Variants in CREB5 observed in about 807,000 individuals in gnomAD.
CREB5 encodes cyclic AMP-responsive element-binding protein 5.
A neutral mutation model predicts 57.1 loss-of-function variants in CREB5; 19 were observed. That is an observed-to-expected ratio of 0.33 (90% CI 0.23 to 0.49). The LOEUF (loss-of-function observed/expected upper bound fraction) is 0.49, where lower values mean the gene tolerates loss of function less well. Ranked by LOEUF, CREB5 falls within the 20% of genes least tolerant of loss-of-function variation. The pLI, the probability that CREB5 is intolerant of heterozygous loss-of-function variation, is 0.99. For missense variants in CREB5, 579 were observed against 671.6 expected (o/e 0.86, Z 1.52); for synonymous variants, 238 against 238.3 (o/e 1.00, Z 0.01).
chr7:28,768,574 C>G (rs569466509), intron 7 of CREB5, among the ~76,000 whole-genome samples: 2 of 152,236 alleles, frequency 1.3e-5, no homozygotes, highest in South Asian at 4.1e-4. Context: ...GGGAACTTTT[C>G]CTGTCTGAAT....
intron 1 of CREB5, among the ~76,000 whole-genome samples, chr7:28,407,096 T>A (rs371393779): frequency 2.2e-4 from 34 of 152,160 alleles, no homozygotes; most frequent in African/African-American, 8.2e-4. Context: ...GTCACCCAGG[T>A]TGGAGTGCAA....
chr7:28,442,495 T>G (rs1338328570), intron 1 of CREB5, among the ~76,000 whole-genome samples: 1 of 127,114 alleles, frequency 7.9e-6, no homozygotes, highest in Non-Finnish European at 1.8e-5. Flanking sequence ...GATTATATGG[T>G]AGTTTTTTTT....
At chr7:28,353,122 C>T (rs1786267507) in intron 1 of CREB5, among the ~76,000 whole-genome samples, 1 of 151,818 alleles carries the variant, frequency 6.6e-6, no homozygotes, top group South Asian at 2.1e-4. Context: ...GAGAGTCTTG[C>T]TCTGTTGCCA....
At chr7:28,651,478 A>T (rs1370907764) in intron 5 of CREB5, among the ~76,000 whole-genome samples, 1 of 152,192 alleles carries the variant, frequency 6.6e-6, no homozygotes, top group Non-Finnish European at 1.5e-5. Flanking sequence ...GTGGTGGCTC[A>T]TGCCTGTAAT....
intron 5 of CREB5, among the ~76,000 whole-genome samples, chr7:28,608,151 ACACACT>A (rs1797234942): frequency 6.7e-6 from 1 of 148,336 alleles, no homozygotes; most frequent in African/African-American, 2.5e-5. Context: ...ACACACACAC[ACACACT>A]CTCAAACTTT....
intron 7 of CREB5, among the ~76,000 whole-genome samples, chr7:28,777,536 G>T (rs762216161): frequency 3.3e-5 from 5 of 152,048 alleles, no homozygotes; most frequent in Non-Finnish European, 7.4e-5. Context: ...CATCAACAAG[G>T]TAGCCTGTTC....
At chr7:28,381,500 T>G (rs1456403782) in intron 1 of CREB5, among the ~76,000 whole-genome samples, 1 of 152,236 alleles carries the variant, frequency 6.6e-6, no homozygotes, top group Non-Finnish European at 1.5e-5. Context: ...TCTCATAGGG[T>G]TGGCATAGAT....
intron 1 of CREB5, among the ~76,000 whole-genome samples, chr7:28,387,483 TG>T (rs1787132662): frequency 6.6e-6 from 1 of 152,216 alleles, no homozygotes; most frequent in East Asian, 1.9e-4. Flanking sequence ...ATCAGACCTT[TG>T]TCAGATGGAC....
intron 7 of CREB5, among the ~76,000 whole-genome samples, chr7:28,793,327 C>G (rs995956639): frequency 6.6e-6 from 1 of 152,198 alleles, no homozygotes; most frequent in East Asian, 1.9e-4. Context: ...ACAAGACAAT[C>G]TAAACTTCCA....
At chr7:28,587,050 A>G (rs983360649) in intron 5 of CREB5, among the ~76,000 whole-genome samples, 7 of 152,248 alleles carry the variant, frequency 4.6e-5, no homozygotes, top group African/African-American at 1.7e-4. Flanking sequence ...ACATCAGAAC[A>G]ACTCAAATGT....
intron 5 of CREB5, among the ~76,000 whole-genome samples, chr7:28,665,542 A>G (rs1799788579): frequency 6.6e-6 from 1 of 152,206 alleles, no homozygotes; most frequent in African/African-American, 2.4e-5. Context: ...CCTAGTTTAA[A>G]TGAAACTTAC....
chr7:28,719,635 G>T (rs1035315623), intron 6 of CREB5, among the ~76,000 whole-genome samples: 3 of 152,214 alleles, frequency 2.0e-5, no homozygotes, highest in Non-Finnish European at 4.4e-5. Flanking sequence ...CAGATGAGGA[G>T]ACTGAGGTAT....
Position 28,724,235 on chromosome 7 carries a change from T to C in CREB5, c.605T>C (p.Met202Thr). 3.7e-6 allele frequency: 6 copies of C among 1,613,146 alleles called. No individual in the cohort carries two copies. Among genetic ancestry groups the C allele is most frequent in the Non-Finnish European group, 5.1e-6 (6 of 1,179,682 alleles). The change falls in exon 7 of 11, where the codon ATG (methionine) becomes ACG (threonine). Residue 202 changes from methionine to threonine, a missense_variant. Around this residue, in one of 3 missense-constraint regions of CREB5, gnomAD observed 459 missense variants for 515.7 expected, o/e 0.89. Coordinates refer to ENST00000357727, the MANE Select transcript of CREB5 (RefSeq NM_182898.4). ...CCTTTCTCTTAGATGGAGCGACAAA[T>C]GTCAGTGAACTCCAGCATCATGGGG... Reference protein sequence around the residue: ...SAVLMPMERQMSVNSSIMGMQ... With the variant: ...SAVLMPMERQTSVNSSIMGMQ...
chr7:28,608,807 A>T, intron 5 of CREB5, among the ~76,000 whole-genome samples: 1 of 152,236 alleles, frequency 6.6e-6, no homozygotes, highest in Non-Finnish European at 1.5e-5. Context: ...GGCTAATGAT[A>T]GGGACTGTTG....
intron 3 of CREB5, among the ~76,000 whole-genome samples, chr7:28,498,037 C>T (rs172611): frequency 0.29 from 43,826 of 151,966 alleles, 7,296 homozygotes; most frequent in Non-Finnish European, 0.36. Context: ...AATTAGTTCT[C>T]TTATTTTACA....
At chr7:28,411,454 A>G (rs1156254293), upstream of CREB5, among the ~76,000 whole-genome samples, 2 of 150,712 alleles carry the variant, frequency 1.3e-5, no homozygotes, top group East Asian at 3.9e-4. Context: ...TCGAATACGT[A>G]AGTCATTGAA....
chr7:28,299,747 A>C (rs539605617), intron 1 of CREB5, among the ~76,000 whole-genome samples: 42 of 152,288 alleles, frequency 2.8e-4, no homozygotes, highest in African/African-American at 9.6e-4. Flanking sequence ...GACCCAACAA[A>C]CATTTATTTA....
intron 1 of CREB5, among the ~76,000 whole-genome samples, chr7:28,473,887 A>C (rs1301078602): frequency 6.6e-6 from 1 of 152,110 alleles, no homozygotes. Flanking sequence ...TACTTTGAAG[A>C]TTTCTAGCGA....
chr7:28,744,161 C>T (rs1009313005), intron 7 of CREB5, among the ~76,000 whole-genome samples: 1 of 147,416 alleles, frequency 6.8e-6, no homozygotes, highest in African/African-American at 2.5e-5. Context: ...TCATCCATGT[C>T]CCTACAAAGG....
Sources: gnomAD v4.1 joint callset for allele counts (sites outside exome capture counted in the v4.1 genomes callset) on GRCh38, gnomAD v4.1.1 for gene constraint, gnomAD v4.1.1 regional missense constraint, MANE v1.5 for transcripts, NCBI Gene and HGNC (gene_info 2026-07-23, HGNC 2026-07-21) for gene names.